The following PLEKHG7 variants were observed in gnomAD, a reference collection of about 807,000 sequenced individuals.
PLEKHG7 encodes the protein pleckstrin homology domain-containing family G member 7.
Under a neutral mutation model 85.2 loss-of-function variants are expected in PLEKHG7, and 77 were observed. That is an observed-to-expected ratio of 0.90 (90% CI 0.75 to 1.09). The LOEUF (loss-of-function observed/expected upper bound fraction) is 1.09, where lower values mean the gene tolerates loss of function less well. PLEKHG7 is among the 50% of genes least tolerant of loss of function. PLEKHG7 has a pLI of 0.00. For synonymous variants in PLEKHG7, 301 were observed against 302.4 expected (o/e 1.00, Z 0.05); for missense variants, 777 against 804.3 (o/e 0.97, Z 0.41).
intron 16 of PLEKHG7, among the ~76,000 whole-genome samples, chr12:92,769,379 TAC>T (rs1873331208): frequency 6.6e-6 from 1 of 152,220 alleles, no homozygotes; most frequent in Non-Finnish European, 1.5e-5. Flanking sequence ...GCCTGCGTTC[TAC>T]AGTTTCTGTA....
intron 10 of PLEKHG7, among the ~76,000 whole-genome samples, chr12:92,749,067 A>G (rs1037169851): frequency 7.9e-5 from 12 of 152,312 alleles, no homozygotes; most frequent in African/African-American, 1.4e-4. Context: ...TCTGAACCCA[A>G]TGTTGAATCT....
intron 11 of PLEKHG7, 141 bp from the exon 12 acceptor site, chr12:92,755,684 C>A: frequency 3.1e-6 from 2 of 651,466 alleles, no homozygotes; most frequent in Admixed American, 5.8e-5. Flanking sequence ...GAACAGCAAG[C>A]AATATGTGAA....
chr12:92,767,092 T>C (rs1347978718), intron 15 of PLEKHG7, among the ~76,000 whole-genome samples: 1 of 152,172 alleles, frequency 6.6e-6, no homozygotes, highest in Non-Finnish European at 1.5e-5. Flanking sequence ...AAAATTAATA[T>C]GTTTCCTCAT....
intron 3 of PLEKHG7, among the ~76,000 whole-genome samples, chr12:92,724,636 G>A (rs942621220): frequency 2.6e-5 from 4 of 152,198 alleles, no homozygotes; most frequent in East Asian, 1.9e-4. Flanking sequence ...GTCTTTGCAA[G>A]AGTTGTGATA....
At chr12:92,752,632 G>C (rs1027633835) in intron 10 of PLEKHG7, among the ~76,000 whole-genome samples, 1 of 152,156 alleles carries the variant, frequency 6.6e-6, no homozygotes, top group Admixed American at 6.5e-5. Context: ...GAAGGGTCTG[G>C]GTCACAAGGC....
At chr12:92,769,169 T>C in intron 16 of PLEKHG7, 89 bp downstream of exon 16, 1 of 1,058,568 alleles carries the variant, frequency 9.4e-7, no homozygotes. Context: ...ATGGAAAGTT[T>C]TGTGTTTTTC....
intron 3 of PLEKHG7, chr12:92,708,648 G>A (rs568965830): frequency 3.9e-5 from 6 of 152,084 alleles, no homozygotes; most frequent in Non-Finnish European, 8.8e-5. Flanking sequence ...TCCTTATCCT[G>A]CTCATGGGAT....
chr12:92,760,123 C>T (rs556891633), intron 13 of PLEKHG7, among the ~76,000 whole-genome samples: 2 of 152,238 alleles, frequency 1.3e-5, no homozygotes, highest in South Asian at 4.2e-4. Flanking sequence ...TCAGAAGTTG[C>T]ATGCTTTGGC....
In PLEKHG7 at chr12:92,706,580, C is replaced by A; in HGVS notation, c.-52C>A. ...ACCCTCCATGTGATCCAGAGAACAG[C>A]AACTCATACGTCTTCTGGAACCTTC... On this transcript the variant is annotated 5_prime_UTR_variant, in exon 2 of 17. Coordinates refer to ENST00000344636, the MANE Select transcript of PLEKHG7 (RefSeq NM_001377329.1). 6.5e-7 allele frequency: 1 copy of A among 1,527,172 alleles called. No homozygotes were observed. Among genetic ancestry groups the A allele is most frequent in the Non-Finnish European group, 8.8e-7 (1 of 1,141,000 alleles). The allele number at this position is 1,527,172 out of a possible 1,614,324, so 94.6% of individuals were successfully genotyped here. A position where few individuals can be genotyped will look rare whatever the true frequency, so the allele number is the denominator to read the frequency against.
At chr12:92,753,331 C>G (rs1872742538) in intron 10 of PLEKHG7, among the ~76,000 whole-genome samples, 1 of 152,142 alleles carries the variant, frequency 6.6e-6, no homozygotes, top group Non-Finnish European at 1.5e-5. Flanking sequence ...AGGAAGCTCA[C>G]ATTCAAAGAA....
At chr12:92,738,549 A>T (rs1311949216) in intron 7 of PLEKHG7, among the ~76,000 whole-genome samples, 1 of 152,244 alleles carries the variant, frequency 6.6e-6, no homozygotes, top group African/African-American at 2.4e-5. Flanking sequence ...CAGGCTATAT[A>T]GTTTTTGTTG....
chr12:92,707,441 C>T, intron 2 of PLEKHG7: 1 of 1,432,266 alleles, frequency 7.0e-7, no homozygotes, highest in East Asian at 2.5e-5. Flanking sequence ...AATGGGGGCC[C>T]TCTTGCAAAT....
At chr12:92,717,680 C>A (rs952456598) in intron 3 of PLEKHG7, among the ~76,000 whole-genome samples, 1 of 152,182 alleles carries the variant, frequency 6.6e-6, no homozygotes, top group Non-Finnish European at 1.5e-5. Context: ...TTATTCAGTA[C>A]CATAACACGG....
intron 15 of PLEKHG7, among the ~76,000 whole-genome samples, chr12:92,766,097 AGTGCTCTCACTTTCAGTGT>A (rs1873187947): frequency 6.6e-6 from 1 of 152,250 alleles, no homozygotes; most frequent in African/African-American, 2.4e-5. Context: ...TTGCTTGGTG[AGTGCTCTCACTTTCAGTGT>A]GAGCTTCTTA....
rs763866191 is a variant in PLEKHG7 at position 92,761,662 on chromosome 12, GA to G, written c.1637-87del. The G allele has an allele frequency of 4.1e-3, 5,462 of 1,330,006 alleles. 43 individuals are homozygous for G. Among genetic ancestry groups the G allele is most frequent in the Non-Finnish European group, 4.0e-3 (4,074 of 1,025,968 alleles). The allele number at this position is 1,330,006 out of a possible 1,614,324, so 82.4% of individuals were successfully genotyped here. A position where few individuals can be genotyped will look rare whatever the true frequency, so the allele number is the denominator to read the frequency against. ...AGAAAGAAAGAAAGAAAGAAAGAAAGAAAGAAAGAAAGAAAGAAAGAAAGGG... is the reference window on the plus strand; with the variant it reads ...AGAAAGAAAGAAAGAAAGAAAGAAAGAAGAAAGAAAGAAAGAAAGAAAGGG... On this transcript the variant is annotated intron_variant, in intron 13 of 16. Coordinates refer to ENST00000344636, the MANE Select transcript of PLEKHG7 (RefSeq NM_001377329.1).
At chr12:92,748,185 T>A (rs1282621809) in intron 10 of PLEKHG7, among the ~76,000 whole-genome samples, 1 of 151,992 alleles carries the variant, frequency 6.6e-6, no homozygotes, top group Non-Finnish European at 1.5e-5. Context: ...AATAAAAATG[T>A]GTGTGACATC....
intron 3 of PLEKHG7, among the ~76,000 whole-genome samples, chr12:92,716,213 C>A (rs1423160458): frequency 1.3e-5 from 2 of 152,066 alleles, no homozygotes; most frequent in African/African-American, 4.8e-5. Flanking sequence ...TCTCTTGTCT[C>A]AGCCTCCCGA....
At chr12:92,763,390 T>C (rs1873092198) in intron 14 of PLEKHG7, among the ~76,000 whole-genome samples, 1 of 152,212 alleles carries the variant, frequency 6.6e-6, no homozygotes. Context: ...TTCTCATTCA[T>C]CGAACTCAAT....
chr12:92,728,836 A>G (rs1441553329), intron 3 of PLEKHG7, among the ~76,000 whole-genome samples, 157 bp from the exon 4 acceptor site: 1 of 152,042 alleles, frequency 6.6e-6, no homozygotes, highest in Non-Finnish European at 1.5e-5. Context: ...TTTTCCATTG[A>G]GGTTGAACTA....
Sources: gnomAD v4.1 joint callset for allele counts (sites outside exome capture counted in the v4.1 genomes callset) on GRCh38, gnomAD v4.1.1 for gene constraint, MANE v1.5 for transcripts, NCBI Gene and HGNC (gene_info 2026-07-23, HGNC 2026-07-21) for gene names.